ARHGEF3: variants seen among roughly 807,000 people sequenced by gnomAD.
ARHGEF3 encodes the protein Rho guanine nucleotide exchange factor 3, also known as 59.8 kDA protein.
ARHGEF3 carries 28 observed loss-of-function variants against 63.2 expected under a neutral mutation model. The observed-to-expected ratio is 0.44, with a 90% CI of 0.33 to 0.61. The LOEUF is 0.61. Among genes scored for constraint, ARHGEF3 ranks in the 20% least tolerant of loss-of-function variants. ARHGEF3 has a pLI of 0.03. For missense variants in ARHGEF3, 533 were observed against 659.3 expected (o/e 0.81, Z 2.10); for synonymous variants, 266 against 254.2 (o/e 1.05, Z -0.44).
intron 7 of ARHGEF3, 84 bp downstream of exon 7, chr3:56,745,121 C>T: frequency 6.7e-7 from 1 of 1,500,244 alleles, no homozygotes; most frequent in South Asian, 1.3e-5. Context: ...TACCCAGGGA[C>T]TCTTCCATTC....
chr3:57,035,130 A>G (rs1166316983), exon 2 of ARHGEF3: 1 of 1,548,694 alleles, frequency 6.5e-7, no homozygotes, highest in African/African-American at 1.4e-5. Flanking sequence ...GCATTGATTC[A>G]TTGCTGTGGA....
At chr3:56,779,065 G>A (rs2036419583) in intron 1 of ARHGEF3, among the ~76,000 whole-genome samples, 1 of 152,084 alleles carries the variant, frequency 6.6e-6, no homozygotes, top group Non-Finnish European at 1.5e-5. Flanking sequence ...GGCACACCTA[G>A]TCATCGTCAG....
intron 3 of ARHGEF3, among the ~76,000 whole-genome samples, chr3:56,950,696 C>T (rs367967858): frequency 6.6e-6 from 1 of 151,842 alleles, no homozygotes; most frequent in African/African-American, 2.4e-5. Context: ...GTAAACTAGT[C>T]CAACCATTGT....
chr3:56,958,861 G>A (rs1419600692), exon 3 of ARHGEF3: 1 of 1,551,658 alleles, frequency 6.4e-7, no homozygotes, highest in South Asian at 1.2e-5. Context: ...GGAAACATGG[G>A]AAAGTTGTTT....
intron 3 of ARHGEF3, among the ~76,000 whole-genome samples, chr3:56,897,473 C>T (rs1190253760): frequency 6.6e-6 from 1 of 152,048 alleles, no homozygotes; most frequent in Non-Finnish European, 1.5e-5. Context: ...CTTCTAGGCC[C>T]TCTCAGTAGA....
At chr3:56,806,443 C>T (rs1251157557), upstream of ARHGEF3, among the ~76,000 whole-genome samples, 6 of 152,228 alleles carry the variant, frequency 3.9e-5, no homozygotes, top group South Asian at 2.1e-4. Flanking sequence ...CTCAAAGAAA[C>T]GGCACAAAGT....
chr3:56,966,659 G>C (rs961124306), intron 2 of ARHGEF3, among the ~76,000 whole-genome samples: 8 of 151,970 alleles, frequency 5.3e-5, no homozygotes, highest in African/African-American at 1.9e-4. Context: ...GATATCCCTG[G>C]CAAGGGAGGG....
At chr3:56,848,619 T>C (rs557424027) in intron 4 of ARHGEF3, among the ~76,000 whole-genome samples, 45 of 152,306 alleles carry the variant, frequency 3.0e-4, no homozygotes, top group African/African-American at 8.7e-4. Flanking sequence ...CAGTCTTACA[T>C]ATACACCGTT....
At chr3:56,843,219 G>T (rs1015117412) in intron 4 of ARHGEF3, among the ~76,000 whole-genome samples, 1 of 152,056 alleles carries the variant, frequency 6.6e-6, no homozygotes, top group Non-Finnish European at 1.5e-5. Flanking sequence ...GCTTAGCTTA[G>T]CACACAAATG....
intron 4 of ARHGEF3, among the ~76,000 whole-genome samples, chr3:56,830,018 C>G (rs536455535): frequency 6.6e-6 from 1 of 152,338 alleles, no homozygotes; most frequent in South Asian, 2.1e-4. Flanking sequence ...ATACTACGAT[C>G]ACCCCATTTT....
At chr3:56,771,805 G>A (rs2036020843) in intron 2 of ARHGEF3, among the ~76,000 whole-genome samples, 1 of 152,166 alleles carries the variant, frequency 6.6e-6, no homozygotes, top group Non-Finnish European at 1.5e-5. Context: ...TTGGAGGTCT[G>A]ACAATCAAGG....
chr3:56,996,806 C>T (rs1170204256), intron 2 of ARHGEF3, among the ~76,000 whole-genome samples: 5 of 151,918 alleles, frequency 3.3e-5, no homozygotes, highest in Non-Finnish European at 7.4e-5. Flanking sequence ...ACCTGTGGCC[C>T]GCAGGCGGGC....
At chr3:56,781,523 G>A (rs1049260182) in intron 1 of ARHGEF3, among the ~76,000 whole-genome samples, 1 of 152,184 alleles carries the variant, frequency 6.6e-6, no homozygotes, top group African/African-American at 2.4e-5. Flanking sequence ...TGGGATTACA[G>A]GTGTGAGCCA....
chr3:57,009,594 G>A (rs1356766591), intron 2 of ARHGEF3, among the ~76,000 whole-genome samples: 1 of 152,162 alleles, frequency 6.6e-6, no homozygotes, highest in Non-Finnish European at 1.5e-5. Flanking sequence ...CTGCCAAGTT[G>A]CTGGAGGAGA....
At chr3:56,822,370 G>A (rs1166224280) in intron 4 of ARHGEF3, among the ~76,000 whole-genome samples, 6 of 152,102 alleles carry the variant, frequency 3.9e-5, no homozygotes, top group Admixed American at 3.9e-4. Flanking sequence ...CAGGCAATAG[G>A]GAATGTTTAA....
intron 1 of ARHGEF3, among the ~76,000 whole-genome samples, chr3:57,058,083 G>A (rs1350160062): frequency 3.9e-5 from 6 of 152,266 alleles, no homozygotes; most frequent in African/African-American, 1.4e-4. Flanking sequence ...ACCAAAAGCC[G>A]ACTGTAAAGG....
At chr3:57,073,776 A>G (rs748735296) in intron 1 of ARHGEF3, 3 of 1,614,244 alleles carry the variant, frequency 1.9e-6, no homozygotes, top group South Asian at 2.2e-5. Flanking sequence ...AGACTCTTCC[A>G]GACTCGTTCC....
Position 56,771,184 on chromosome 3 carries a change from C to A in ARHGEF3, c.204+2525G>T, listed in dbSNP as rs563105920. 1.5e-3 allele frequency among the ~76,000 whole-genome samples: 229 copies of A among 152,116 alleles called. 1 individual carries two copies. Among genetic ancestry groups the A allele is most frequent in the African/African-American group, 5.3e-3 (218 of 41,512 alleles). On this transcript the variant is annotated intron_variant, in intron 2 of 9. Coordinates refer to ENST00000296315, the MANE Select transcript of ARHGEF3 (RefSeq NM_019555.3). ...AAAAACCAATTTCCACATGTCAGAT[C>A]CTCCTTTGGGTCTGGCTTTCTCATC...
chr3:56,832,927 G>A (rs2038979030), intron 4 of ARHGEF3, among the ~76,000 whole-genome samples: 2 of 152,170 alleles, frequency 1.3e-5, no homozygotes, highest in African/African-American at 4.8e-5. Context: ...GCGTGTCTAA[G>A]GTTCATCCAT....
Sources: gnomAD v4.1 joint callset for allele counts (sites outside exome capture counted in the v4.1 genomes callset) on GRCh38, gnomAD v4.1.1 for gene constraint, MANE v1.5 for transcripts, NCBI Gene and HGNC (gene_info 2026-07-23, HGNC 2026-07-21) for gene names.